PTPRD: variants seen among roughly 807,000 people sequenced by gnomAD.
PTPRD encodes the protein protein tyrosine phosphatase receptor type D.
A neutral mutation model predicts 214.5 loss-of-function variants in PTPRD; 34 were observed. The observed-to-expected ratio is 0.16, with a 90% CI of 0.12 to 0.21. The LOEUF is 0.21. Among genes scored for constraint, PTPRD ranks in the 10% least tolerant of loss-of-function variants. PTPRD has a pLI of 1.00. For synonymous variants in PTPRD, 1,128 were observed against 845.7 expected (o/e 1.33, Z -5.79); for missense variants, 2,545 against 2,398.7 (o/e 1.06, Z -1.27).
At chr9:9,664,897 A>C (rs191378822) in intron 7 of PTPRD, among the ~76,000 whole-genome samples, 14 of 151,748 alleles carry the variant, frequency 9.2e-5, no homozygotes, top group Non-Finnish European at 1.6e-4. Context: ...TGCAAGCACA[A>C]AAGTTCTAAT....
At chr9:9,864,989 A>G (rs1261012377) in intron 5 of PTPRD, among the ~76,000 whole-genome samples, 1 of 152,128 alleles carries the variant, frequency 6.6e-6, no homozygotes, top group African/African-American at 2.4e-5. Context: ...TATTAAATAG[A>G]TTATCTCTAT....
intron 39 of PTPRD, among the ~76,000 whole-genome samples, chr9:8,346,009 T>C (rs961199266): frequency 3.3e-5 from 5 of 152,050 alleles, no homozygotes; most frequent in African/African-American, 9.7e-5. Flanking sequence ...TCAGCACAAG[T>C]GGAGATCTAT....
chr9:10,194,943 T>TG lies in PTPRD; in HGVS notation c.-545+146019_-545+146020insC, dbSNP rs2099391523. 2.1e-5 allele frequency among the ~76,000 whole-genome samples: 3 copies of TG among 144,498 alleles called. No individual in the cohort carries two copies. The South Asian group carries it at 6.5e-4, about 31-fold the overall frequency. The allele number at this position is 144,498 out of a possible 152,430, so 94.8% of individuals were successfully genotyped here. A position where few individuals can be genotyped will look rare whatever the true frequency, so the allele number is the denominator to read the frequency against. ...AAAATAACAAGGATTTTCATTTAATTTTTTTTTTTTTTTTTGAGACAGAGT... is the reference window on the plus strand; with the variant it reads ...AAAATAACAAGGATTTTCATTTAATTGTTTTTTTTTTTTTTTGAGACAGAGT... On this transcript the variant is annotated intron_variant, in intron 3 of 45. Transcript: ENST00000381196.
intron 9 of PTPRD, among the ~76,000 whole-genome samples, chr9:9,393,493 A>G (rs763874296): frequency 3.3e-4 from 50 of 152,170 alleles, no homozygotes; most frequent in African/African-American, 9.2e-4. Context: ...CCTCCAGTTA[A>G]TCTCTTAGCT....
At chr9:9,006,757 T>C (rs10816030) in intron 11 of PTPRD, among the ~76,000 whole-genome samples, 65,358 of 151,890 alleles carry the variant, frequency 0.43, 15,639 homozygotes, top group Non-Finnish European at 0.55. Context: ...TAAAGATTAA[T>C]TGGAGTTCAA....
rs527871963 is a variant in PTPRD at position 8,721,296 on chromosome 9, G to A, written c.64+12484C>T. Reference sequence around the variant, plus strand: ...AATGCAAAAATTAGTCAGGCATGGTGGCACATGCCTGTAATCCTAGCTACT... The same window carrying A: ...AATGCAAAAATTAGTCAGGCATGGTAGCACATGCCTGTAATCCTAGCTACT... On this transcript the variant is annotated intron_variant, in intron 12 of 45. Coordinates refer to ENST00000381196, the MANE Select transcript of PTPRD (RefSeq NM_002839.4). Among the ~76,000 whole-genome samples the A allele has an allele frequency of 2.1e-3, 312 of 151,786 alleles. 2 individuals are homozygous for A. Among genetic ancestry groups the A allele is most frequent in the African/African-American group, 7.3e-3 (301 of 41,388 alleles).
chr9:9,860,964 T>C (rs969574507), intron 5 of PTPRD, among the ~76,000 whole-genome samples: 1 of 152,212 alleles, frequency 6.6e-6, no homozygotes, highest in East Asian at 1.9e-4. Flanking sequence ...AAATTGTGTA[T>C]TGGATTATTA....
chr9:9,699,981 T>C lies in PTPRD; in HGVS notation c.-287+34552A>G, dbSNP rs532062574. ...AGAATTATTTATGAATTCAAGAAAG[T>C]GTTGGTACGCTGATGTTACTTTTAC... On this transcript the variant is annotated intron_variant, in intron 7 of 45. Coordinates refer to ENST00000381196, the MANE Select transcript of PTPRD (RefSeq NM_002839.4). Among the ~76,000 whole-genome samples, 4 of 152,282 alleles carry C rather than the reference T, an allele frequency of 2.6e-5. No individual in the cohort carries two copies. In the South Asian group the frequency reaches 8.3e-4, roughly 32 times the overall value.
At chr9:8,554,705 A>G (rs1037798263) in intron 14 of PTPRD, among the ~76,000 whole-genome samples, 6 of 152,216 alleles carry the variant, frequency 3.9e-5, no homozygotes, top group African/African-American at 1.4e-4. Context: ...TAATCCTGGG[A>G]TAAGAATTCA....
At chr9:10,266,904 C>G (rs184414358) in intron 3 of PTPRD, among the ~76,000 whole-genome samples, 67 of 151,794 alleles carry the variant, frequency 4.4e-4, no homozygotes, top group African/African-American at 1.5e-3. Context: ...TAAAAGTAGT[C>G]AGGGGGTTGG....
At chr9:8,918,372 C>T (rs1029636642) in intron 11 of PTPRD, among the ~76,000 whole-genome samples, 4 of 152,098 alleles carry the variant, frequency 2.6e-5, no homozygotes, top group South Asian at 4.1e-4. Context: ...AGAAAATTAG[C>T]CTTACCTTTG....
chr9:8,933,363 T>TTTTTTTTTTTTTTC (rs2098967754), intron 11 of PTPRD, among the ~76,000 whole-genome samples: 1 of 147,316 alleles, frequency 6.8e-6, no homozygotes. Context: ...TTTTTTTTTT[T>TTTTTTTTTTTTTTC]ACATAAAAGG....
At chr9:8,501,797 C>A (rs1383174730) in intron 23 of PTPRD, among the ~76,000 whole-genome samples, 1 of 152,168 alleles carries the variant, frequency 6.6e-6, no homozygotes, top group Non-Finnish European at 1.5e-5. Context: ...TTGATTCTGA[C>A]TGTAACTTGT....
intron 11 of PTPRD, among the ~76,000 whole-genome samples, chr9:8,753,203 C>T (rs1216875957): frequency 6.6e-6 from 1 of 152,184 alleles, no homozygotes; most frequent in Non-Finnish European, 1.5e-5. Context: ...TTTTCTGCCA[C>T]ATAGCTCAGG....
chr9:9,513,028 C>T (rs2096746692), intron 8 of PTPRD, among the ~76,000 whole-genome samples: 1 of 151,824 alleles, frequency 6.6e-6, no homozygotes, highest in Non-Finnish European at 1.5e-5. Flanking sequence ...AGATGTGTTA[C>T]TGGTTAACAC....
intron 5 of PTPRD, among the ~76,000 whole-genome samples, chr9:9,773,702 AG>A (rs1167580244): frequency 2.0e-5 from 3 of 152,188 alleles, no homozygotes; most frequent in African/African-American, 7.2e-5. Flanking sequence ...GCATTGTAAA[AG>A]GCACCTGGTC....
intron 7 of PTPRD, among the ~76,000 whole-genome samples, chr9:9,725,809 T>C (rs959552084): frequency 2.0e-5 from 3 of 152,162 alleles, no homozygotes; most frequent in African/African-American, 7.2e-5. Context: ...AGGACATTTT[T>C]TCTTTACAAG....
intron 3 of PTPRD, among the ~76,000 whole-genome samples, chr9:10,206,698 T>C (rs1309607494): frequency 6.6e-6 from 1 of 152,232 alleles, no homozygotes; most frequent in Non-Finnish European, 1.5e-5. Context: ...GTTTGAATTA[T>C]ATTTGTGATA....
rs187591333 is a variant in PTPRD, at chr9:9,979,884, C to T, written c.-471-41274G>A. 2.6e-4 allele frequency among the ~76,000 whole-genome samples: 39 copies of T among 152,134 alleles called. 1 individual carries two copies. In the East Asian group the frequency reaches 6.7e-3, roughly 26 times the overall value. On this transcript the variant is annotated intron_variant, in intron 4 of 45. Transcript: ENST00000381196. ...ACATATCAGAGATTGGGCACAGCAA[C>T]GGGCAAAATACGGGATGCTTGATAA...
Sources: allele counts gnomAD v4.1 joint callset (sites outside exome capture counted in the v4.1 genomes callset), GRCh38; gene constraint gnomAD v4.1.1; transcripts MANE v1.5; gene names NCBI Gene and HGNC (gene_info 2026-07-23, HGNC 2026-07-21).